Variants in PPARGC1A observed in about 807,000 individuals in gnomAD.
The protein encoded by PPARGC1A is peroxisome proliferator-activated receptor gamma coactivator 1-alpha.
In PPARGC1A, 25 loss-of-function variants were observed where a neutral mutation model predicts 88.7. The ratio of observed to expected loss-of-function variants is 0.28; its 90% confidence interval spans 0.21 to 0.39. The LOEUF is 0.39. Among genes scored for constraint, PPARGC1A ranks in the 10% least tolerant of loss-of-function variants. The probability of loss-of-function intolerance (pLI) is 1.00; values close to 1 mark genes in which losing one functional copy is unlikely to be tolerated. For synonymous variants in PPARGC1A, 363 were observed against 355.6 expected (o/e 1.02, Z -0.24); for missense variants, 880 against 968.7 (o/e 0.91, Z 1.22).
chr4:24,106,375 G>A, the PPARGC1A span, among the ~76,000 whole-genome samples: 226 of 152,268 alleles, frequency 1.5e-3, 2 homozygotes, highest in African/African-American at 5.2e-3. Context: ...GGCATGAAAA[G>A]GACAGAATAT....
upstream of PPARGC1A, among the ~76,000 whole-genome samples, chr4:23,905,784 G>A (rs1261366170): frequency 2.6e-5 from 4 of 152,266 alleles, no homozygotes; most frequent in African/African-American, 4.8e-5. Context: ...GCTTGTAAGT[G>A]GGAGACCAGA....
At chr4:24,199,050 C>A in the PPARGC1A span, among the ~76,000 whole-genome samples, 1 of 152,158 alleles carries the variant, frequency 6.6e-6, no homozygotes, top group African/African-American at 2.4e-5. Context: ...TCTTTCCCTG[C>A]TGTTTTTATC....
chr4:23,870,715 T>C (rs1165627732), intron 2 of PPARGC1A, among the ~76,000 whole-genome samples: 1 of 152,178 alleles, frequency 6.6e-6, no homozygotes, highest in Non-Finnish European at 1.5e-5. Context: ...TAGTTTGGCT[T>C]CTCAGAGACA....
chr4:24,294,039 A>C, the PPARGC1A span, among the ~76,000 whole-genome samples: 1 of 152,168 alleles, frequency 6.6e-6, no homozygotes, highest in Admixed American at 6.5e-5. Context: ...TATTTATCTG[A>C]GGCTCAGAGA....
intron 1 of PPARGC1A, 132 bp downstream of exon 1, chr4:23,889,772 C>G (rs535951249): frequency 2.8e-6 from 3 of 1,068,582 alleles, no homozygotes; most frequent in Admixed American, 2.7e-5. Context: ...GATTGAGATT[C>G]TTCTAAAAGC....
At chr4:24,220,655 T>C in the PPARGC1A span, among the ~76,000 whole-genome samples, 1 of 152,148 alleles carries the variant, frequency 6.6e-6, no homozygotes, top group African/African-American at 2.4e-5. Context: ...TTCTCACTTA[T>C]AAGTGGGAGC....
chr4:23,801,912 G>A, intron 11 of PPARGC1A, 31 bp from the exon 12 acceptor site: 1 of 1,612,474 alleles, frequency 6.2e-7, no homozygotes, highest in Non-Finnish European at 8.5e-7. Flanking sequence ...TTCAAAGCTG[G>A]TTAAGAAGTA....
Position 23,855,560 on chromosome 4 carries a change from GTTTA to G in PPARGC1A, c.235-23813_235-23810del, listed in dbSNP as rs982758509. Among the ~76,000 whole-genome samples, 9 of 152,092 alleles carry G rather than the reference GTTTA, an allele frequency of 5.9e-5. No individual in the cohort carries two copies. In the South Asian group the frequency reaches 8.3e-4, roughly 14 times the overall value. On this transcript the variant is annotated intron_variant, in intron 2 of 12. Transcript: ENST00000264867. ...AATGTACTCCAAAAAATAATTTCAG[GTTTA>G]TTTAATTCCATATTCTGCATGCATT...
chr4:24,125,731 A>G, the PPARGC1A span, among the ~76,000 whole-genome samples: 405 of 152,302 alleles, frequency 2.7e-3, 6 homozygotes, highest in East Asian at 0.048. Context: ...AGAGAGAGAA[A>G]GAGAGAGACC....
chr4:23,840,690 C>T (rs572793061), intron 2 of PPARGC1A, among the ~76,000 whole-genome samples: 1 of 152,084 alleles, frequency 6.6e-6, no homozygotes, highest in Non-Finnish European at 1.5e-5. Flanking sequence ...TATTGAGATA[C>T]TTAGTATATA....
the PPARGC1A span, among the ~76,000 whole-genome samples, chr4:24,022,183 G>A: frequency 6.6e-6 from 1 of 152,156 alleles, no homozygotes; most frequent in Non-Finnish European, 1.5e-5. Context: ...GCTCTCTTTT[G>A]CTCTTTCTGC....
chr4:24,112,908 G>A, the PPARGC1A span, among the ~76,000 whole-genome samples: 156 of 152,226 alleles, frequency 1.0e-3, no homozygotes, highest in Middle Eastern at 3.4e-3. Flanking sequence ...ATGGGAAGCC[G>A]GGCCAAGAGA....
the PPARGC1A span, among the ~76,000 whole-genome samples, chr4:24,130,583 T>C: frequency 2.6e-5 from 4 of 152,120 alleles, no homozygotes; most frequent in African/African-American, 7.2e-5. Context: ...GATGAAATGC[T>C]ACTTACAAGA....
At chr4:23,919,160 C>G in the PPARGC1A span, among the ~76,000 whole-genome samples, 1 of 152,140 alleles carries the variant, frequency 6.6e-6, no homozygotes, top group East Asian at 1.9e-4. Flanking sequence ...ACTTTACATA[C>G]ACATTGTTTT....
At chr4:23,915,629 G>C in the PPARGC1A span, among the ~76,000 whole-genome samples, 2 of 152,096 alleles carry the variant, frequency 1.3e-5, no homozygotes, top group Non-Finnish European at 2.9e-5. Context: ...CTCAGCTCTA[G>C]AATAATGCCT....
At chr4:23,879,250 G>C (rs1193785694) in intron 2 of PPARGC1A, among the ~76,000 whole-genome samples, 1 of 152,260 alleles carries the variant, frequency 6.6e-6, no homozygotes, top group Non-Finnish European at 1.5e-5. Context: ...TCATAGAAAA[G>C]TCTGTCTGAC....
At chr4:24,400,676 A>G in the PPARGC1A span, among the ~76,000 whole-genome samples, 1 of 152,190 alleles carries the variant, frequency 6.6e-6, no homozygotes. Flanking sequence ...GTAGGTGTCT[A>G]ATTTGCAGAA....
the PPARGC1A span, among the ~76,000 whole-genome samples, chr4:23,965,607 T>C: frequency 0.023 from 3,471 of 152,266 alleles, 130 homozygotes; most frequent in African/African-American, 0.079. Flanking sequence ...GCTTAAAACA[T>C]AGCAAACACT....
At chr4:23,815,094 C>G (rs758062796) in intron 7 of PPARGC1A, among the ~76,000 whole-genome samples, 6 of 150,484 alleles carry the variant, frequency 4.0e-5, no homozygotes, top group African/African-American at 9.8e-5. Flanking sequence ...GAGAATCTAC[C>G]CTTGGAGCCA....
Sources: gnomAD v4.1 joint callset for allele counts (sites outside exome capture counted in the v4.1 genomes callset) on GRCh38, gnomAD v4.1.1 for gene constraint, MANE v1.5 for transcripts, NCBI Gene and HGNC (gene_info 2026-07-23, HGNC 2026-07-21) for gene names.